OR51B5: variants seen among roughly 807,000 people sequenced by gnomAD.
OR51B5 encodes olfactory receptor family 51 subfamily B member 5, also known as olfactory receptor 51B5.
For missense variants in OR51B5, 456 were observed against 374.6 expected (o/e 1.22, Z -1.79); for synonymous variants, 186 against 144.8 (o/e 1.28, Z -2.04).
chr11:5,358,465 G>C (rs1040236459), intron 1 of OR51B5, among the ~76,000 whole-genome samples: 2 of 152,162 alleles, frequency 1.3e-5, no homozygotes, highest in African/African-American at 4.8e-5. Flanking sequence ...TCTCTGAATA[G>C]ACCAATAACA....
intron 1 of OR51B5, among the ~76,000 whole-genome samples, chr11:5,443,895 C>G (rs1189175109): frequency 6.6e-6 from 1 of 151,826 alleles, no homozygotes; most frequent in African/African-American, 2.4e-5. Context: ...TCAAAGGTAC[C>G]AGAAAAATAT....
intron 1 of OR51B5, among the ~76,000 whole-genome samples, chr11:5,447,108 G>T (rs1380650345): frequency 6.6e-6 from 1 of 152,212 alleles, no homozygotes; most frequent in East Asian, 1.9e-4. Flanking sequence ...AGGAGATCAT[G>T]TATCTCACAA....
intron 1 of OR51B5, chr11:5,352,270 T>G (rs748945085): frequency 3.1e-6 from 5 of 1,614,200 alleles, no homozygotes; most frequent in Non-Finnish European, 4.2e-6. Context: ...CACTGTAGTT[T>G]GTCTGACATT....
Position 5,423,287 on chromosome 11 carries a change from C to A in OR51B5, n.85-76377G>T, listed in dbSNP as rs969320199. ...AGTATGACAAGTCCCTGGCTTTTAG[C>A]ATGGAATTTTTGGCTGAGGTGAGCT... On this transcript the variant is annotated intron_variant and non_coding_transcript_variant, in intron 1 of 4. Coordinates refer to the OR51B5 transcript ENST00000415970. 4 of 1,234,752 alleles carry A rather than the reference C, an allele frequency of 3.2e-6. No homozygotes were observed. The African/African-American group carries it at 4.5e-5, about 14-fold the overall frequency. The allele number at this position is 1,234,752 out of a possible 1,614,324, so 76.5% of individuals were successfully genotyped here.
At chr11:5,389,722 G>A (rs185802644) in intron 1 of OR51B5, 35 of 1,613,892 alleles carry the variant, frequency 2.2e-5, no homozygotes, top group African/African-American at 1.3e-4. Flanking sequence ...ACTTTGGAGC[G>A]TGTCAAATCC....
chr11:5,357,432 T>G, intron 1 of OR51B5, among the ~76,000 whole-genome samples: 1 of 151,148 alleles, frequency 6.6e-6, no homozygotes, highest in Non-Finnish European at 1.5e-5. Flanking sequence ...CTAACTATCC[T>G]AAACATATAT....
downstream of OR51B5, among the ~76,000 whole-genome samples, chr11:5,342,172 G>A (rs1333623481): frequency 2.6e-5 from 4 of 152,146 alleles, no homozygotes; most frequent in African/African-American, 7.2e-5. Context: ...ATTCATAAGA[G>A]TTGGAAATTA....
chr11:5,374,224 T>C, intron 1 of OR51B5, among the ~76,000 whole-genome samples: 1 of 151,978 alleles, frequency 6.6e-6, no homozygotes, highest in Non-Finnish European at 1.5e-5. Flanking sequence ...GCAAACAGGG[T>C]CTGGAGTGGA....
At chr11:5,482,103 C>G (rs1307060052) in intron 1 of OR51B5, among the ~76,000 whole-genome samples, 1 of 119,432 alleles carries the variant, frequency 8.4e-6, no homozygotes, top group Non-Finnish European at 1.7e-5. Context: ...TGACTTCAAA[C>G]TATACTACAA....
chr11:5,376,936 A>G lies in OR51B5; in HGVS notation n.85-30026T>C, dbSNP rs553279437. Among the ~76,000 whole-genome samples the G allele has an allele frequency of 3.4e-4, 52 of 151,710 alleles. 1 individual carries two copies. The South Asian group carries it at 4.0e-3, about 12-fold the overall frequency. Reference sequence around the variant, plus strand: ...AACTATTCCAATCAACAGAAAAAGAAGGAATCCTCCCTAACTCATTTTATG... The same window carrying G: ...AACTATTCCAATCAACAGAAAAAGAGGGAATCCTCCCTAACTCATTTTATG... On this transcript the variant is annotated intron_variant and non_coding_transcript_variant, in intron 1 of 4. Transcript: ENST00000415970.
At chr11:5,364,938 AAGG>A (rs1418819175) in intron 1 of OR51B5, among the ~76,000 whole-genome samples, 4 of 149,810 alleles carry the variant, frequency 2.7e-5, no homozygotes, top group African/African-American at 9.9e-5. Context: ...GTGGATACAC[AAGG>A]AGAAGCAGAG....
At chr11:5,440,571 C>A in intron 1 of OR51B5, 1 of 1,610,328 alleles carries the variant, frequency 6.2e-7, no homozygotes, top group East Asian at 2.2e-5. Flanking sequence ...CAGCCTTCCT[C>A]AGGCCTGGGA....
At chr11:5,352,524 G>A (rs1319337645) in intron 1 of OR51B5, 8 of 871,256 alleles carry the variant, frequency 9.2e-6, no homozygotes, top group African/African-American at 1.7e-5. Context: ...AGTAACTAGG[G>A]AAAGTCATTT....
downstream of OR51B5, chr11:5,341,490 T>C (rs1848891732): frequency 6.6e-6 from 1 of 152,222 alleles, no homozygotes; most frequent in Non-Finnish European, 1.5e-5. Context: ...CTTGTCTCAC[T>C]GAAGTATTAT....
intron 1 of OR51B5, among the ~76,000 whole-genome samples, chr11:5,457,438 A>G (rs1230119045): frequency 6.6e-6 from 1 of 152,240 alleles, no homozygotes; most frequent in Non-Finnish European, 1.5e-5. Context: ...CAATGAACAT[A>G]CAAGCGTATG....
chr11:5,357,935 G>A (rs1849220235), intron 1 of OR51B5, among the ~76,000 whole-genome samples: 2 of 151,982 alleles, frequency 1.3e-5, no homozygotes, highest in African/African-American at 2.4e-5. Context: ...AATGTTCTTT[G>A]GAACCAAAGA....
At chr11:5,412,057 T>G (rs1274291621) in intron 1 of OR51B5, among the ~76,000 whole-genome samples, 1 of 152,182 alleles carries the variant, frequency 6.6e-6, no homozygotes, top group African/African-American at 2.4e-5. Context: ...ACTTTTGAGG[T>G]AATTTGCTCT....
chr11:5,378,203 A>G (rs1849556868), intron 1 of OR51B5, among the ~76,000 whole-genome samples: 1 of 152,034 alleles, frequency 6.6e-6, no homozygotes, highest in Non-Finnish European at 1.5e-5. Context: ...AAAAACAAGA[A>G]ATGGGGAAAG....
chr11:5,446,934 G>A (rs1238646751), intron 1 of OR51B5, among the ~76,000 whole-genome samples: 1 of 152,190 alleles, frequency 6.6e-6, no homozygotes, highest in Non-Finnish European at 1.5e-5. Flanking sequence ...CCTGCCAGAA[G>A]TAGTTCCCAG....
Sources: allele counts gnomAD v4.1 joint callset (sites outside exome capture counted in the v4.1 genomes callset), GRCh38; gene constraint gnomAD v4.1.1; transcripts MANE v1.5; gene names NCBI Gene and HGNC (gene_info 2026-07-23, HGNC 2026-07-21).